The following CABIN1 variants were observed in gnomAD, a reference collection of about 807,000 sequenced individuals.
CABIN1 encodes the protein calcineurin binding protein 1.
A neutral mutation model predicts 227.7 loss-of-function variants in CABIN1; 133 were observed. The ratio of observed to expected loss-of-function variants is 0.58; its 90% CI spans 0.51 to 0.67. CABIN1 has a LOEUF of 0.67. CABIN1 is among the 30% of genes least tolerant of loss of function. The probability of loss-of-function intolerance (pLI) is 0.00; values close to 1 mark genes in which losing one functional copy is unlikely to be tolerated. For missense variants in CABIN1, 2,408 were observed against 2,852.5 expected, an observed-to-expected ratio of 0.84 and a Z score of 3.55; for synonymous variants, 1,086 against 1,155.1, an observed-to-expected ratio of 0.94 and a Z score of 1.21.
At chr22:24,045,994 C>T (rs993517935) in intron 6 of CABIN1, among the ~76,000 whole-genome samples, 7 of 152,212 alleles carry the variant, frequency 4.6e-5, no homozygotes, top group African/African-American at 1.2e-4. Context: ...ACATGTGCAG[C>T]GCCCCAGAAG....
At chr22:24,036,310 C>G (rs2036883405) in intron 3 of CABIN1, 129 bp downstream of exon 3, 5 of 739,456 alleles carry the variant, frequency 6.8e-6, no homozygotes, top group Non-Finnish European at 1.2e-5. Flanking sequence ...AGATGGCTAG[C>G]TCTCCATCTC....
chr22:24,058,591 A>G (rs9612549), intron 10 of CABIN1, among the ~76,000 whole-genome samples: 143,279 of 152,262 alleles, frequency 0.94, 67,570 homozygotes, highest in African/African-American at 0.98. Context: ...AGTTCAGATG[A>G]GCTTGATGTA....
At chr22:24,056,124 G>A in intron 9 of CABIN1, 68 bp from the exon 10 acceptor site, 1 of 1,305,158 alleles carries the variant, frequency 7.7e-7, no homozygotes. Context: ...GGAGATTGAT[G>A]TGTCTGTGTG....
At chr22:24,077,588 A>G (rs2040529964) in intron 19 of CABIN1, among the ~76,000 whole-genome samples, 1 of 152,088 alleles carries the variant, frequency 6.6e-6, no homozygotes, top group Non-Finnish European at 1.5e-5. Context: ...TGGGATGCTC[A>G]CCCTGGGTCA....
rs112872661 is a variant in CABIN1, at chr22:24,055,017, G to T, written c.951G>T (p.Thr317=). 3 of 1,614,096 alleles carry T rather than the reference G, an allele frequency of 1.9e-6. No homozygotes were observed. In the African/African-American group the frequency reaches 4.0e-5, roughly 22 times the overall value. Residue 317 remains threonine (T), a synonymous_variant, in exon 9 of 37, where the codon ACG becomes ACT. Coordinates refer to ENST00000263119, the MANE Select transcript of CABIN1 (RefSeq NM_012295.4). Reference sequence around the variant, plus strand: ...CTCTTGAGTCCTCCATGGTGGTGACGCCAGTTAACGTGATCCAGCCAAGCA... The same window carrying T: ...CTCTTGAGTCCTCCATGGTGGTGACTCCAGTTAACGTGATCCAGCCAAGCA... ...SQPLESSMVV[T]PVNVIQPSTV... is the part of the protein sequence containing the mutation.
chr22:24,055,680 T>C lies in CABIN1; in HGVS notation c.1094-512T>C, dbSNP rs574253737. On this transcript the variant is annotated intron_variant, in intron 9 of 36. Coordinates refer to ENST00000263119, the MANE Select transcript of CABIN1 (RefSeq NM_012295.4). ...AGCCTTTTCTTGATTTCTGTGTCAC[T>C]GAAAAAAAGAATATCTGGCAGATAT... Among the ~76,000 whole-genome samples, 24 of 152,342 alleles carry C rather than the reference T, an allele frequency of 1.6e-4. No homozygotes were observed. In the South Asian group the frequency reaches 5.0e-3, roughly 32 times the overall value.
At chr22:24,060,207 A>T (rs2039091021) in intron 12 of CABIN1, 66 bp downstream of exon 12, 4 of 1,438,224 alleles carry the variant, frequency 2.8e-6, no homozygotes, top group Non-Finnish European at 3.9e-6. Context: ...GGGATCTTGC[A>T]TGGGTGTGGG....
At chr22:24,157,841 T>G (rs2045927124) in intron 29 of CABIN1, among the ~76,000 whole-genome samples, 1 of 152,176 alleles carries the variant, frequency 6.6e-6, no homozygotes, top group South Asian at 2.1e-4. Context: ...AGGAAGTTTT[T>G]ATGCTTTTCT....
intron 12 of CABIN1, among the ~76,000 whole-genome samples, chr22:24,061,680 G>T (rs1217497867): frequency 6.6e-6 from 1 of 152,220 alleles, no homozygotes; most frequent in Non-Finnish European, 1.5e-5. Flanking sequence ...CACTTGGCAG[G>T]TGACAGGGCT....
chr22:24,161,208 G>A (rs2046133233), intron 29 of CABIN1, among the ~76,000 whole-genome samples: 1 of 152,228 alleles, frequency 6.6e-6, no homozygotes. Flanking sequence ...GATTGACTGA[G>A]ATGCCTGGAA....
intron 15 of CABIN1, among the ~76,000 whole-genome samples, chr22:24,065,605 G>A (rs1433069089): frequency 4.6e-5 from 7 of 152,082 alleles, no homozygotes; most frequent in Admixed American, 1.3e-4. Flanking sequence ...ACGGGGTGGC[G>A]GCCGGGCAGA....
chr22:24,170,214 G>T (rs1248838167), intron 33 of CABIN1: 2 of 452,566 alleles, frequency 4.4e-6, no homozygotes, highest in African/African-American at 4.0e-5. Context: ...GCCCAGAGAA[G>T]ATGCCACTGT....
intron 6 of CABIN1, among the ~76,000 whole-genome samples, chr22:24,044,920 A>G (rs1015012569): frequency 1.3e-5 from 2 of 149,170 alleles, no homozygotes; most frequent in African/African-American, 4.9e-5. Context: ...CCTCATCAGA[A>G]TCACCTTTTT....
At chr22:24,030,789 G>A (rs1489200547) in intron 1 of CABIN1, among the ~76,000 whole-genome samples, 1 of 152,042 alleles carries the variant, frequency 6.6e-6, no homozygotes, top group Non-Finnish European at 1.5e-5. Context: ...CCCCACTCTG[G>A]GGTTCCTCAC....
At chr22:24,038,294 T>G in intron 3 of CABIN1, 54 bp from the exon 4 acceptor site, 1 of 1,487,682 alleles carries the variant, frequency 6.7e-7, no homozygotes, top group Non-Finnish European at 9.4e-7. Flanking sequence ...ATTTTTGGCT[T>G]AAAAAAGACA....
intron 6 of CABIN1, among the ~76,000 whole-genome samples, chr22:24,047,964 A>C (rs2038025106): frequency 6.6e-6 from 1 of 152,210 alleles, no homozygotes; most frequent in South Asian, 2.1e-4. Flanking sequence ...AAGTGCTGAA[A>C]GCTTTTGTAA....
intron 17 of CABIN1, among the ~76,000 whole-genome samples, chr22:24,071,642 T>A (rs560298696): frequency 6.6e-6 from 1 of 152,180 alleles, no homozygotes; most frequent in African/African-American, 2.4e-5. Context: ...GCAGCACACT[T>A]GCCACAGTCT....
At position 24,168,438 on chromosome 22, in the gene CABIN1, CCT is replaced by C; in HGVS notation, c.5683-8_5683-7del. On this transcript the variant is annotated splice_polypyrimidine_tract_variant and splice_region_variant and intron_variant, in intron 32 of 36. Transcript: ENST00000263119. The stretch of plus-strand genomic sequence containing the variant: ...TGCGCCCCCTGACTTCCAGCATCTC[CCT>C]GTTAAGGTGGATGAGGAGGCTGCGC... 6.4e-7 allele frequency: 1 copy of C among 1,567,424 alleles called. No homozygotes were observed. The highest frequency in any genetic ancestry group is 8.6e-7 in the Non-Finnish European group (1 of 1,156,108).
intron 13 of CABIN1, among the ~76,000 whole-genome samples, chr22:24,062,346 ATTTTTTTTT>A (rs35757164): frequency 7.2e-5 from 7 of 96,558 alleles, no homozygotes; most frequent in Admixed American, 2.1e-4. Flanking sequence ...GGTGATACGG[ATTTTTTTTT>A]TTTTTTTTTT....
Sources: allele counts gnomAD v4.1 joint callset (sites outside exome capture counted in the v4.1 genomes callset), GRCh38; gene constraint gnomAD v4.1.1; transcripts MANE v1.5; gene names NCBI Gene and HGNC (gene_info 2026-07-23, HGNC 2026-07-21).